The following FAM135B variants were observed in gnomAD, a reference collection of about 807,000 sequenced individuals.
The protein encoded by FAM135B is family with sequence similarity 135 member B, also known as protein FAM135B.
FAM135B carries 43 observed loss-of-function variants against 127.7 expected under a neutral mutation model. The ratio of observed to expected loss-of-function variants is 0.34; its 90% CI spans 0.26 to 0.43. FAM135B has a LOEUF of 0.43. FAM135B is among the 20% of genes least tolerant of loss of function. The pLI is 1.00. For missense variants in FAM135B, 1,558 were observed against 1,725.6 expected (o/e 0.90, Z 1.72); for synonymous variants, 670 against 665.1 (o/e 1.01, Z -0.11).
chr8:138,137,487 T>A (rs1233245561), intron 18 of FAM135B, among the ~76,000 whole-genome samples: 1 of 152,060 alleles, frequency 6.6e-6, no homozygotes, highest in African/African-American at 2.4e-5. Flanking sequence ...AAGAAGTCAC[T>A]AAGCAGGGGC....
chr8:138,342,240 G>A (rs16908859), intron 2 of FAM135B, among the ~76,000 whole-genome samples: 3,920 of 152,252 alleles, frequency 0.026, 159 homozygotes, highest in African/African-American at 0.089. Context: ...TTCAATTCTA[G>A]AGCACTCTCA....
chr8:138,174,614 TTA>T (rs1320061390), intron 11 of FAM135B, among the ~76,000 whole-genome samples: 1 of 152,198 alleles, frequency 6.6e-6, no homozygotes, highest in Non-Finnish European at 1.5e-5. Context: ...AGTCTATGAT[TTA>T]TGTTTTTTGT....
intron 1 of FAM135B, among the ~76,000 whole-genome samples, chr8:138,379,393 A>G (rs531192100): frequency 1.3e-5 from 2 of 152,210 alleles, no homozygotes; most frequent in African/African-American, 4.8e-5. Context: ...TTTTTTAGTA[A>G]CATTATGGCT....
intron 1 of FAM135B, among the ~76,000 whole-genome samples, chr8:138,472,367 C>G (rs1837730933): frequency 6.6e-6 from 1 of 152,138 alleles, no homozygotes; most frequent in Admixed American, 6.5e-5. Flanking sequence ...TAGGGAGGAT[C>G]TGGCCTTAGA....
chr8:138,456,922 T>A (rs1836811868), intron 1 of FAM135B, among the ~76,000 whole-genome samples: 1 of 149,686 alleles, frequency 6.7e-6, no homozygotes, highest in Admixed American at 6.7e-5. Flanking sequence ...ACCACTGACA[T>A]GGAAAGATAA....
chr8:138,164,441 G>A (rs1228877692), intron 12 of FAM135B, among the ~76,000 whole-genome samples: 1 of 152,120 alleles, frequency 6.6e-6, no homozygotes, highest in African/African-American at 2.4e-5. Context: ...CCTAAAATAT[G>A]ACATTGTGAA....
chr8:138,267,292 T>C (rs181160061), intron 3 of FAM135B, among the ~76,000 whole-genome samples: 559 of 152,272 alleles, frequency 3.7e-3, no homozygotes, highest in Non-Finnish European at 5.7e-3. Context: ...AACCTGACCA[T>C]GCTGGCATCC....
At chr8:138,448,996 CTTCCAT>C (rs2131581033) in intron 1 of FAM135B, among the ~76,000 whole-genome samples, 1 of 152,220 alleles carries the variant, frequency 6.6e-6, no homozygotes, top group East Asian at 1.9e-4. Context: ...ATTTCAATCT[CTTCCAT>C]TGTATTGCTG....
rs377518815 is a variant in FAM135B, at chr8:138,306,716, G to A, written c.157+4125C>T. Among the ~76,000 whole-genome samples, 14 of 151,864 alleles carry A rather than the reference G, an allele frequency of 9.2e-5. No individual in the cohort carries two copies. The East Asian group carries it at 1.2e-3, about 13-fold the overall frequency. On this transcript the variant is annotated intron_variant, in intron 3 of 19. Transcript: ENST00000395297. ...TCCTGTCTCAGTCCCCCAAGTAGCC[G>A]GGACTACAGGTGTGCACCACCACGC...
chr8:138,286,344 G>A (rs1268294069), intron 3 of FAM135B, among the ~76,000 whole-genome samples: 1 of 152,210 alleles, frequency 6.6e-6, no homozygotes, highest in African/African-American at 2.4e-5. Context: ...CATGGTGTCA[G>A]GTAGAAGGAG....
At position 138,139,406 on chromosome 8, in the gene FAM135B, C is replaced by T. The variant is rs74648281; in HGVS notation, c.3791-310G>A. Among the ~76,000 whole-genome samples the T allele has an allele frequency of 4.7e-3, 708 of 152,170 alleles. 3 individuals carry two copies. Among genetic ancestry groups the T allele is most frequent in the African/African-American group, 0.016 (654 of 41,536 alleles). On this transcript the variant is annotated intron_variant, in intron 17 of 19. Coordinates refer to ENST00000395297, the MANE Select transcript of FAM135B (RefSeq NM_015912.4). ...AAGCCTAGGGTAATAATTTTCAATG[C>T]GAAAAGAATATAAAATGATCCTTAC...
intron 12 of FAM135B, among the ~76,000 whole-genome samples, chr8:138,158,317 C>G (rs527455764): frequency 6.6e-6 from 1 of 152,292 alleles, no homozygotes; most frequent in Non-Finnish European, 1.5e-5. Flanking sequence ...GGATTAAAGA[C>G]TTAAATGTTA....
Position 138,153,139 on chromosome 8 carries a change from C to A in FAM135B, c.1336G>T (p.Asp446Tyr), listed in dbSNP as rs761264866. ...AAATTGCTATTTACCATACAGTTAT[C>A]TTCCTTGTCTTTCAGATTCATTATT... ...PTIMNLKDKE[D>Y]NCMVNSNLSF... Residue 446 changes from aspartate to tyrosine, a missense_variant, in exon 13 of 20, where the codon GAT (aspartate) becomes TAT (tyrosine). This residue lies in a region of FAM135B where 923 missense variants were observed against 865.3 expected (regional missense o/e 1.07). Transcript: ENST00000395297. 1.9e-6 allele frequency: 3 copies of A among 1,611,710 alleles called. No individual in the cohort carries two copies. The highest frequency in any genetic ancestry group is 2.5e-6 in the Non-Finnish European group (3 of 1,178,156).
chr8:138,325,045 T>G (rs1043775418), intron 2 of FAM135B, among the ~76,000 whole-genome samples: 1 of 152,174 alleles, frequency 6.6e-6, no homozygotes, highest in African/African-American at 2.4e-5. Context: ...AAAGCCCATA[T>G]TCTTCTTTCT....
chr8:138,212,535 T>A (rs1381139818), intron 7 of FAM135B, among the ~76,000 whole-genome samples: 1 of 152,230 alleles, frequency 6.6e-6, no homozygotes, highest in Non-Finnish European at 1.5e-5. Flanking sequence ...ATGATATGCA[T>A]AGGCTATTTC....
chr8:138,418,637 T>A (rs934303609), intron 1 of FAM135B, among the ~76,000 whole-genome samples: 1 of 152,096 alleles, frequency 6.6e-6, no homozygotes, highest in African/African-American at 2.4e-5. Flanking sequence ...ATTGAAAGCA[T>A]ATATTCAGCA....
chr8:138,167,477 C>T (rs1238869063), intron 12 of FAM135B, among the ~76,000 whole-genome samples: 50 of 152,158 alleles, frequency 3.3e-4, no homozygotes, highest in Admixed American at 6.5e-5. Flanking sequence ...ATTACAGGCG[C>T]GAGCCACGGC....
At chr8:138,286,052 A>C (rs765637950) in intron 3 of FAM135B, among the ~76,000 whole-genome samples, 24 of 152,244 alleles carry the variant, frequency 1.6e-4, no homozygotes, top group Non-Finnish European at 3.2e-4. Context: ...AAACAAAAAC[A>C]AAAACATAAA....
chr8:138,170,589 G>A (rs1350699419), intron 11 of FAM135B, among the ~76,000 whole-genome samples: 3 of 152,136 alleles, frequency 2.0e-5, no homozygotes, highest in Admixed American at 6.6e-5. Context: ...GACAAGGGGT[G>A]GATTTGTGAT....
Sources: gnomAD v4.1 joint callset for allele counts (sites outside exome capture counted in the v4.1 genomes callset) on GRCh38, gnomAD v4.1.1 for gene constraint, gnomAD v4.1.1 regional missense constraint, MANE v1.5 for transcripts, NCBI Gene and HGNC (gene_info 2026-07-23, HGNC 2026-07-21) for gene names.